Variants in RFX3 observed in about 807,000 individuals in gnomAD.
RFX3 encodes the protein transcription factor RFX3.
RFX3 carries 14 observed loss-of-function variants against 98.6 expected under a neutral mutation model. The observed-to-expected ratio is 0.14, with a 90% confidence interval of 0.09 to 0.22. The LOEUF is 0.22. RFX3 is among the 10% of genes least tolerant of loss of function. The pLI, the probability that RFX3 is intolerant of heterozygous loss-of-function variation, is 1.00. For missense variants in RFX3, 639 were observed against 926.9 expected (o/e 0.69, Z 4.03); for synonymous variants, 383 against 328.4 (o/e 1.17, Z -1.80).
At chr9:3,423,777 T>TCATATATATATATA (rs1391734107) in intron 1 of RFX3, among the ~76,000 whole-genome samples, 134 of 53,116 alleles carry the variant, frequency 2.5e-3, no homozygotes, top group African/African-American at 9.6e-3. Flanking sequence ...TTATATATTT[T>TCATATATATATATA]CATATATATA....
intron 15 of RFX3, among the ~76,000 whole-genome samples, chr9:3,243,114 G>T (rs956069007): frequency 2.8e-4 from 43 of 152,000 alleles, no homozygotes; most frequent in Middle Eastern, 6.8e-3. Context: ...TGCTCAATTT[G>T]TCTGGTCAGA....
intron 5 of RFX3, among the ~76,000 whole-genome samples, chr9:3,294,337 G>A (rs775409896): frequency 6.6e-6 from 1 of 152,028 alleles, no homozygotes; most frequent in East Asian, 1.9e-4. Flanking sequence ...TGTAAGACAG[G>A]TGTAATAAAG....
At chr9:3,455,359 C>T (rs1847055608) in intron 1 of RFX3, among the ~76,000 whole-genome samples, 1 of 152,150 alleles carries the variant, frequency 6.6e-6, no homozygotes, top group Non-Finnish European at 1.5e-5. Context: ...TTAATTCAGG[C>T]AAGCCTTCCC....
At chr9:3,519,719 T>G (rs1030354238) in intron 1 of RFX3, among the ~76,000 whole-genome samples, 1 of 152,184 alleles carries the variant, frequency 6.6e-6, no homozygotes. Flanking sequence ...AGTATACTTA[T>G]TCTATCCATC....
intron 14 of RFX3, among the ~76,000 whole-genome samples, chr9:3,255,493 C>T (rs80350456): frequency 6.6e-6 from 1 of 152,208 alleles, no homozygotes; most frequent in African/African-American, 2.4e-5. Context: ...ACAGAATCTA[C>T]AGTAGAGACT....
intron 4 of RFX3, among the ~76,000 whole-genome samples, chr9:3,325,391 T>C: frequency 6.6e-6 from 1 of 152,036 alleles, no homozygotes; most frequent in East Asian, 1.9e-4. Context: ...TTCCTCCAAA[T>C]AATTAAATAA....
intron 1 of RFX3, among the ~76,000 whole-genome samples, chr9:3,459,155 C>T (rs145628017): frequency 2.0e-5 from 3 of 152,102 alleles, no homozygotes; most frequent in African/African-American, 7.2e-5. Context: ...TCTTGCATTA[C>T]ACCAAGAACT....
chr9:3,315,393 T>C (rs981668250), intron 4 of RFX3, among the ~76,000 whole-genome samples: 3 of 152,166 alleles, frequency 2.0e-5, no homozygotes, highest in African/African-American at 7.2e-5. Context: ...GAGAAATTTA[T>C]AGCACTAAAT....
chr9:3,258,583 T>G (rs1053658301), intron 13 of RFX3, among the ~76,000 whole-genome samples: 1 of 152,040 alleles, frequency 6.6e-6, no homozygotes, highest in Non-Finnish European at 1.5e-5. Context: ...CTTATCTAAT[T>G]AATCATAAAT....
rs530217738 is a variant in RFX3, at chr9:3,452,350, G to T, written c.-8-56754C>A. ...TCATGCCTGTAATCTCAGTGCTTTG[G>T]GAGGCCAAGGCAGGAGAACTGCTTG... On this transcript the variant is annotated intron_variant, in intron 1 of 16. Coordinates refer to ENST00000617270, the MANE Select transcript of RFX3 (RefSeq NM_001282116.2). 542 of 328,004 alleles carry T rather than the reference G, an allele frequency of 1.7e-3. 10 individuals carry two copies. Among genetic ancestry groups the T allele is most frequent in the South Asian group, 0.012 (525 of 42,518 alleles). The allele number at this position is 328,004 out of a possible 1,614,324, so 20.3% of individuals were successfully genotyped here.
intron 15 of RFX3, 27 bp downstream of exon 15, chr9:3,248,005 G>A: frequency 6.2e-7 from 1 of 1,613,964 alleles, no homozygotes. Context: ...TAACCCAGTG[G>A]GTCACAGCTC....
At chr9:3,450,287 A>G (rs969902331) in intron 1 of RFX3, among the ~76,000 whole-genome samples, 5 of 152,352 alleles carry the variant, frequency 3.3e-5, no homozygotes, top group Admixed American at 2.0e-4. Flanking sequence ...CTGGTGTCAG[A>G]AAGACGAGAT....
At chr9:3,388,151 C>A (rs1839923031) in intron 2 of RFX3, among the ~76,000 whole-genome samples, 1 of 151,930 alleles carries the variant, frequency 6.6e-6, no homozygotes, top group Non-Finnish European at 1.5e-5. Context: ...ATATGGCAAA[C>A]AGAAGTGAAG....
At chr9:3,392,050 A>G (rs1587477811) in intron 2 of RFX3, among the ~76,000 whole-genome samples, 1 of 152,340 alleles carries the variant, frequency 6.6e-6, no homozygotes, top group South Asian at 2.1e-4. Context: ...TTCTTAAAAA[A>G]ATTGACCAGC....
chr9:3,382,185 C>T (rs1839266389), intron 2 of RFX3, among the ~76,000 whole-genome samples: 1 of 152,112 alleles, frequency 6.6e-6, no homozygotes, highest in African/African-American at 2.4e-5. Flanking sequence ...GCACATGCCA[C>T]CACACTTGGC....
chr9:3,442,014 A>C (rs2132699849), intron 1 of RFX3, among the ~76,000 whole-genome samples: 1 of 152,258 alleles, frequency 6.6e-6, no homozygotes, highest in South Asian at 2.1e-4. Context: ...AGCCTGGTCA[A>C]CATGGTGAAA....
At chr9:3,509,252 C>T (rs1299842747) in intron 1 of RFX3, among the ~76,000 whole-genome samples, 2 of 151,928 alleles carry the variant, frequency 1.3e-5, no homozygotes, top group Admixed American at 1.3e-4. Context: ...CAAGTCTCAG[C>T]TTGTACCACC....
At chr9:3,372,742 C>T (rs1838007402) in intron 2 of RFX3, among the ~76,000 whole-genome samples, 1 of 151,878 alleles carries the variant, frequency 6.6e-6, no homozygotes, top group African/African-American at 2.4e-5. Context: ...CCCGCCACCA[C>T]ACCTAGCTAA....
intron 1 of RFX3, among the ~76,000 whole-genome samples, chr9:3,404,954 T>A (rs1328085555): frequency 6.6e-6 from 1 of 152,142 alleles, no homozygotes; most frequent in East Asian, 1.9e-4. Flanking sequence ...TTCTGCCACA[T>A]CCCTCCAAGA....
Sources: allele counts gnomAD v4.1 joint callset (sites outside exome capture counted in the v4.1 genomes callset), GRCh38; gene constraint gnomAD v4.1.1; transcripts MANE v1.5; gene names NCBI Gene and HGNC (gene_info 2026-07-23, HGNC 2026-07-21).